The following NRG3 variants were observed in gnomAD, a reference collection of about 807,000 sequenced individuals.
NRG3 encodes the protein pro-neuregulin-3, membrane-bound isoform.
A neutral mutation model predicts 66.9 loss-of-function variants in NRG3; 31 were observed. The observed-to-expected ratio is 0.46, with a 90% CI of 0.35 to 0.63. The LOEUF is 0.63. Ranked by LOEUF, NRG3 falls within the 20% of genes least tolerant of loss-of-function variation. The pLI is 0.00. For synonymous variants in NRG3, 393 were observed against 359.4 expected (o/e 1.09, Z -1.06); for missense variants, 910 against 878.9 (o/e 1.04, Z -0.45).
At chr10:82,696,733 G>C (rs74145348) in intron 2 of NRG3, among the ~76,000 whole-genome samples, 250 of 152,210 alleles carry the variant, frequency 1.6e-3, no homozygotes, top group African/African-American at 5.6e-3. Context: ...CAAGAGTTTT[G>C]ACAGAATGCT....
At chr10:81,881,866 A>G (rs1272033953) in intron 1 of NRG3, among the ~76,000 whole-genome samples, 1 of 151,932 alleles carries the variant, frequency 6.6e-6, no homozygotes, top group Non-Finnish European at 1.5e-5. Context: ...AAAAGACACT[A>G]GCGAAGGAAT....
intron 2 of NRG3, among the ~76,000 whole-genome samples, chr10:82,549,881 A>G (rs545753458): frequency 2.8e-4 from 43 of 152,126 alleles, no homozygotes; most frequent in Non-Finnish European, 5.1e-4. Context: ...GAAAGATCCA[A>G]TACCGGTCAC....
intron 3 of NRG3, among the ~76,000 whole-genome samples, chr10:82,850,719 A>AC (rs2063521243): frequency 6.6e-6 from 1 of 151,210 alleles, no homozygotes; most frequent in African/African-American, 2.4e-5. Flanking sequence ...AGAGCAAAAA[A>AC]AAAAAAGAAA....
At chr10:81,974,157 A>C (rs2133392206) in intron 1 of NRG3, among the ~76,000 whole-genome samples, 1 of 152,246 alleles carries the variant, frequency 6.6e-6, no homozygotes, top group East Asian at 1.9e-4. Flanking sequence ...CCATTTATTG[A>C]ATAAGGTGTC....
chr10:82,668,025 CAAT>C (rs1411815600), intron 2 of NRG3, among the ~76,000 whole-genome samples: 1 of 152,142 alleles, frequency 6.6e-6, no homozygotes, highest in East Asian at 1.9e-4. Context: ...CGCAGTTTTT[CAAT>C]ATCAAGGAAG....
intron 2 of NRG3, among the ~76,000 whole-genome samples, chr10:82,517,645 TTGTGTGTGTG>T (rs58746808): frequency 1.1e-3 from 155 of 144,578 alleles, no homozygotes; most frequent in Middle Eastern, 0.01. Context: ...CCGTGTGTGT[TTGTGTGTGTG>T]TGTGTGTGTG....
intron 1 of NRG3, among the ~76,000 whole-genome samples, chr10:82,151,928 A>G (rs1278480955): frequency 6.6e-6 from 1 of 152,150 alleles, no homozygotes; most frequent in Non-Finnish European, 1.5e-5. Context: ...GGGGAATTGT[A>G]ATAGTACATG....
intron 1 of NRG3, among the ~76,000 whole-genome samples, chr10:81,973,160 C>T (rs552253195): frequency 2.0e-4 from 30 of 152,220 alleles, no homozygotes; most frequent in African/African-American, 7.2e-4. Context: ...GAACATGCAG[C>T]ATTTTGTTTT....
At chr10:82,718,059 T>A (rs1387199574) in intron 2 of NRG3, among the ~76,000 whole-genome samples, 1 of 152,184 alleles carries the variant, frequency 6.6e-6, no homozygotes, top group East Asian at 1.9e-4. Context: ...TCATTTTCAA[T>A]GTCTCTGTTA....
intron 1 of NRG3, among the ~76,000 whole-genome samples, chr10:82,253,395 A>C (rs928681925): frequency 6.6e-6 from 1 of 152,170 alleles, no homozygotes; most frequent in Non-Finnish European, 1.5e-5. Context: ...AGACAATCAC[A>C]CAATGGGGGA....
intron 2 of NRG3, among the ~76,000 whole-genome samples, chr10:82,714,198 CAT>C (rs1308205824): frequency 6.6e-6 from 1 of 152,102 alleles, no homozygotes; most frequent in Non-Finnish European, 1.5e-5. Context: ...ACATAATTAA[CAT>C]ATGTATTTCT....
intron 1 of NRG3, among the ~76,000 whole-genome samples, chr10:82,335,573 GT>G (rs2082346930): frequency 6.6e-6 from 1 of 152,086 alleles, no homozygotes; most frequent in South Asian, 2.1e-4. Context: ...GAGCCCAGAA[GT>G]TTAAGGCAGC....
rs552217533 is a variant in NRG3, at chr10:82,681,082, A to G, written c.954-57495A>G. On this transcript the variant is annotated intron_variant, in intron 2 of 8. Transcript: ENST00000372141. ...TCAAAGAAGAGTATAATATTAAAAC[A>G]TAATTGGGGCATCGCTCATGGTTGT... Among the ~76,000 whole-genome samples, 14 of 152,362 alleles carry G rather than the reference A, an allele frequency of 9.2e-5. 1 individual carries two copies. In the South Asian group the frequency reaches 1.4e-3, roughly 16 times the overall value.
At chr10:82,711,634 A>G (rs1475634022) in intron 2 of NRG3, among the ~76,000 whole-genome samples, 3 of 151,160 alleles carry the variant, frequency 2.0e-5, no homozygotes, top group African/African-American at 7.3e-5. Flanking sequence ...TCCTTTGTGT[A>G]TGGGTTTTCC....
At chr10:82,832,804 T>TTGTGTGTGTGTGTGTGTGTGTG (rs139438548) in intron 3 of NRG3, among the ~76,000 whole-genome samples, 13 of 147,924 alleles carry the variant, frequency 8.8e-5, no homozygotes, top group African/African-American at 3.2e-4. Flanking sequence ...ATGCATGTAA[T>TTGTGTGTGTGTGTGTGTGTGTG]TGTGTGTGTG....
At chr10:82,335,194 G>A (rs2082327305) in intron 1 of NRG3, among the ~76,000 whole-genome samples, 1 of 152,172 alleles carries the variant, frequency 6.6e-6, no homozygotes, top group East Asian at 1.9e-4. Flanking sequence ...AATGAATTAG[G>A]AGTGATGATG....
intron 3 of NRG3, among the ~76,000 whole-genome samples, chr10:82,862,798 A>C (rs1367261084): frequency 6.6e-6 from 1 of 152,178 alleles, no homozygotes. Context: ...AAGGCTACTG[A>C]CAATAGTCTT....
chr10:82,089,286 A>G (rs1468718204), intron 1 of NRG3, among the ~76,000 whole-genome samples: 1 of 152,152 alleles, frequency 6.6e-6, no homozygotes, highest in African/African-American at 2.4e-5. Flanking sequence ...TACATTTTGT[A>G]TTAGAGCTTT....
At chr10:82,215,587 T>C (rs1183381077) in intron 1 of NRG3, among the ~76,000 whole-genome samples, 1 of 152,224 alleles carries the variant, frequency 6.6e-6, no homozygotes, top group Non-Finnish European at 1.5e-5. Context: ...GACAATACTA[T>C]GACAAGCCAA....
Sources: gnomAD v4.1 joint callset for allele counts (sites outside exome capture counted in the v4.1 genomes callset) on GRCh38, gnomAD v4.1.1 for gene constraint, MANE v1.5 for transcripts, NCBI Gene and HGNC (gene_info 2026-07-23, HGNC 2026-07-21) for gene names.